Variants in SCAPER observed in about 807,000 individuals in gnomAD.
SCAPER encodes S phase cyclin A-associated protein in the endoplasmic reticulum.
Under a neutral mutation model 182.2 loss-of-function variants are expected in SCAPER, and 98 were observed. The ratio of observed to expected loss-of-function variants is 0.54; its 90% confidence interval spans 0.46 to 0.64. The LOEUF is 0.64. Among genes scored for constraint, SCAPER ranks in the 30% least tolerant of loss-of-function variants. SCAPER has a pLI of 0.00. For missense variants in SCAPER, 1,432 were observed against 1,690.0 expected, an observed-to-expected ratio of 0.85 and a Z score of 2.68; for synonymous variants, 605 against 564.6, an observed-to-expected ratio of 1.07 and a Z score of -1.01.
chr15:76,688,740 G>A (rs1598170469), intron 20 of SCAPER, among the ~76,000 whole-genome samples: 1 of 151,290 alleles, frequency 6.6e-6, no homozygotes, highest in Non-Finnish European at 1.5e-5. Flanking sequence ...TCGGATGGTT[G>A]TGTGGTGTTA....
chr15:76,424,836 T>C (rs1054511983), intron 26 of SCAPER, among the ~76,000 whole-genome samples: 12 of 152,216 alleles, frequency 7.9e-5, no homozygotes, highest in African/African-American at 2.9e-4. Flanking sequence ...CGCTCAGCAT[T>C]TGCTTGTCTG....
intron 22 of SCAPER, among the ~76,000 whole-genome samples, chr15:76,581,436 A>G (rs547750715): frequency 6.6e-6 from 1 of 152,318 alleles, no homozygotes; most frequent in South Asian, 2.1e-4. Flanking sequence ...GGAATTCAAC[A>G]ACACATTAAA....
At chr15:76,720,939 A>G (rs1340033899) in intron 17 of SCAPER, among the ~76,000 whole-genome samples, 4 of 152,012 alleles carry the variant, frequency 2.6e-5, no homozygotes, top group Non-Finnish European at 5.9e-5. Context: ...ATTAGATCCC[A>G]TTTGTCAATT....
At chr15:76,555,323 A>C (rs1307296565) in intron 23 of SCAPER, among the ~76,000 whole-genome samples, 2 of 152,178 alleles carry the variant, frequency 1.3e-5, no homozygotes, top group Non-Finnish European at 2.9e-5. Flanking sequence ...CAACTCCACA[A>C]TTGAGTATGC....
At chr15:76,691,996 G>GA (rs2058387267) in intron 20 of SCAPER, among the ~76,000 whole-genome samples, 1 of 152,022 alleles carries the variant, frequency 6.6e-6, no homozygotes, top group Non-Finnish European at 1.5e-5. Flanking sequence ...GCAGAAAAAA[G>GA]AAAAAACTAT....
At chr15:76,608,611 C>G (rs1354820208) in intron 22 of SCAPER, among the ~76,000 whole-genome samples, 1 of 152,184 alleles carries the variant, frequency 6.6e-6, no homozygotes, top group Non-Finnish European at 1.5e-5. Context: ...GCCCTGCCCC[C>G]AGAGGTGGAG....
intron 21 of SCAPER, among the ~76,000 whole-genome samples, chr15:76,626,464 C>T (rs974447426): frequency 2.6e-5 from 4 of 152,176 alleles, no homozygotes; most frequent in Admixed American, 2.6e-4. Flanking sequence ...CGCCTGTAAT[C>T]CTAGCACTTT....
intron 5 of SCAPER, among the ~76,000 whole-genome samples, chr15:76,807,660 T>A (rs1445584242): frequency 2.0e-5 from 3 of 150,358 alleles, no homozygotes; most frequent in Non-Finnish European, 4.4e-5. Flanking sequence ...ATTAGGTATA[T>A]CTCCCAATGC....
At chr15:76,497,124 T>C (rs401336) in intron 24 of SCAPER, among the ~76,000 whole-genome samples, 42 of 139,464 alleles carry the variant, frequency 3.0e-4, no homozygotes, top group African/African-American at 5.4e-4. Context: ...TTTTTTTTTT[T>C]CCCAAAACGG....
rs545989553 is a variant in SCAPER, at chr15:76,826,055, TC to T, written c.393+15678del. ...GCCTCCGTGCCTGGCCACAAAAAGA[TC>T]TGTTTTCTATGTTGCAGTCATTATC... On this transcript the variant is annotated intron_variant, in intron 5 of 31. Coordinates refer to ENST00000563290, the MANE Select transcript of SCAPER (RefSeq NM_020843.4). Among the ~76,000 whole-genome samples, 409 of 152,318 alleles carry T rather than the reference TC, an allele frequency of 2.7e-3. 1 individual carries two copies. Among genetic ancestry groups the T allele is most frequent in the African/African-American group, 9.5e-3 (396 of 41,570 alleles).
intron 2 of SCAPER, among the ~76,000 whole-genome samples, chr15:76,869,273 A>G (rs1232430691): frequency 1.3e-5 from 2 of 152,172 alleles, no homozygotes; most frequent in Non-Finnish European, 2.9e-5. Context: ...ATGAGACTAT[A>G]TTAGTAACTA....
intron 23 of SCAPER, among the ~76,000 whole-genome samples, chr15:76,512,376 TA>T (rs1411587535): frequency 1.3e-5 from 2 of 152,048 alleles, no homozygotes; most frequent in Admixed American, 6.6e-5. Flanking sequence ...TGAACTTCCT[TA>T]ACAACCATTA....
intron 3 of SCAPER, 27 bp from the exon 4 acceptor site, chr15:76,857,906 G>A (rs1383031075): frequency 1.4e-6 from 2 of 1,432,262 alleles, no homozygotes; most frequent in African/African-American, 1.4e-5. Flanking sequence ...AAATAAATAT[G>A]TAGATATACA....
chr15:76,507,387 T>C (rs772433382), intron 23 of SCAPER, among the ~76,000 whole-genome samples: 5 of 152,162 alleles, frequency 3.3e-5, no homozygotes, highest in Non-Finnish European at 4.4e-5. Context: ...TTCTGTTGTT[T>C]AACCAACCCA....
chr15:76,633,001 C>T (rs988061409), intron 21 of SCAPER, among the ~76,000 whole-genome samples: 6 of 152,056 alleles, frequency 3.9e-5, no homozygotes, highest in Non-Finnish European at 7.4e-5. Context: ...TCTCGAACTC[C>T]TGACCGCAGG....
chr15:76,393,941 A>G (rs1390949810), intron 27 of SCAPER, among the ~76,000 whole-genome samples: 4 of 152,220 alleles, frequency 2.6e-5, no homozygotes, highest in African/African-American at 9.6e-5. Context: ...CCAGCCTTCA[A>G]GTCTTCTGAG....
At chr15:76,847,531 C>T (rs147809140) in intron 4 of SCAPER, among the ~76,000 whole-genome samples, 12 of 152,200 alleles carry the variant, frequency 7.9e-5, no homozygotes, top group East Asian at 5.8e-4. Context: ...CCATTTTCCA[C>T]GATGCAGTTA....
chr15:76,675,183 A>G (rs980257728), intron 20 of SCAPER, among the ~76,000 whole-genome samples: 1 of 152,228 alleles, frequency 6.6e-6, no homozygotes, highest in Non-Finnish European at 1.5e-5. Context: ...TTTACAAAAG[A>G]GTCATTTTGT....
At position 76,774,939 on chromosome 15, in the gene SCAPER, A is replaced by C; in HGVS notation, c.951T>G (p.Val317=). Residue 317 remains valine, a synonymous_variant, in exon 9 of 32, where the codon GTT becomes GTG. Transcript: ENST00000563290. ...PDESIQKGQF[V]GDGTSNTIES... is the part of the protein sequence containing the mutation. Reference sequence around the variant, plus strand: ...CTATAGTATTAGAAGTTCCATCTCCAACAAATTGACCTTTCTGTATGCTTT... The same window carrying C: ...CTATAGTATTAGAAGTTCCATCTCCCACAAATTGACCTTTCTGTATGCTTT... 1 of 1,613,854 alleles carries C rather than the reference A, an allele frequency of 6.2e-7. No homozygotes were observed. Among genetic ancestry groups the C allele is most frequent in the Non-Finnish European group, 8.5e-7 (1 of 1,179,776 alleles).
Sources: gnomAD v4.1 joint callset for allele counts (sites outside exome capture counted in the v4.1 genomes callset) on GRCh38, gnomAD v4.1.1 for gene constraint, MANE v1.5 for transcripts, NCBI Gene and HGNC (gene_info 2026-07-23, HGNC 2026-07-21) for gene names.